The following CENPQ variants were observed in gnomAD, a reference collection of about 807,000 sequenced individuals.
The protein encoded by CENPQ is chromosome 6 open reading frame 139.
CENPQ carries 27 observed loss-of-function variants against 36.6 expected under a neutral mutation model. The ratio of observed to expected loss-of-function variants is 0.74; its 90% confidence interval spans 0.54 to 1.02. The LOEUF (loss-of-function observed/expected upper bound fraction) is 1.02, where lower values mean the gene tolerates loss of function less well. Ranked by LOEUF, CENPQ falls within the 50% of genes least tolerant of loss-of-function variation. The pLI is 0.00. For synonymous variants in CENPQ, 101 were observed against 101.7 expected (o/e 0.99, Z 0.04); for missense variants, 306 against 301.8 (o/e 1.01, Z -0.10).
At chr6:49,474,897 A>T (rs1299878831) in intron 5 of CENPQ, among the ~76,000 whole-genome samples, 1 of 152,220 alleles carries the variant, frequency 6.6e-6, no homozygotes, top group Non-Finnish European at 1.5e-5. Context: ...CAAATAAAAT[A>T]GAAAATCTAG....
At chr6:49,489,685 G>T (rs1218508592) in intron 8 of CENPQ, among the ~76,000 whole-genome samples, 1 of 152,196 alleles carries the variant, frequency 6.6e-6, no homozygotes, top group African/African-American at 2.4e-5. Context: ...TAAGTGATAA[G>T]ACTTGAAAAT....
At chr6:49,489,761 TCTC>T (rs1332249175) in intron 8 of CENPQ, among the ~76,000 whole-genome samples, 1 of 152,204 alleles carries the variant, frequency 6.6e-6, no homozygotes, top group Non-Finnish European at 1.5e-5. Flanking sequence ...ACAACATTAA[TCTC>T]CTTGTATATC....
At chr6:49,490,335 G>A (rs1023999847) in intron 8 of CENPQ, among the ~76,000 whole-genome samples, 1 of 152,124 alleles carries the variant, frequency 6.6e-6, no homozygotes, top group African/African-American at 2.4e-5. Flanking sequence ...ACTAACTTCT[G>A]CTAGCTTCAA....
At chr6:49,469,078 G>T (rs1265496837) in intron 1 of CENPQ, among the ~76,000 whole-genome samples, 1 of 152,184 alleles carries the variant, frequency 6.6e-6, no homozygotes, top group Non-Finnish European at 1.5e-5. Flanking sequence ...TTTGTAACTG[G>T]TGTGATATGT....
In CENPQ at chr6:49,470,174, A is replaced by G; in HGVS notation, c.-3A>G. Reference sequence around the variant, plus strand: ...TTTTTCGAAGCACTGTGTTTAGATCAAGATGTCTGGTAAAGCAAATGCTTC... The same window carrying G: ...TTTTTCGAAGCACTGTGTTTAGATCGAGATGTCTGGTAAAGCAAATGCTTC... On this transcript the variant is annotated 5_prime_UTR_variant, in exon 2 of 9. Transcript: ENST00000335783. 6.3e-7 allele frequency: 1 copy of G among 1,575,902 alleles called. No individual in the cohort carries two copies. Among genetic ancestry groups the G allele is most frequent in the Non-Finnish European group, 8.7e-7 (1 of 1,150,714 alleles).
chr6:49,474,289 C>T lies in CENPQ; in HGVS notation c.347+1431C>T, dbSNP rs543523946. Among the ~76,000 whole-genome samples the T allele has an allele frequency of 3.3e-5, 5 of 152,050 alleles. No homozygotes were observed. The South Asian group carries it at 6.2e-4, about 19-fold the overall frequency. On this transcript the variant is annotated intron_variant, in intron 5 of 8. Coordinates refer to ENST00000335783, the MANE Select transcript of CENPQ (RefSeq NM_018132.4). ...GAAGTGAAGCACTCCTCAGCAAATG[C>T]AAAAGAACAGAAATTATAACAAACT...
chr6:49,488,788 C>G (rs1223485712), intron 8 of CENPQ, 104 bp downstream of exon 8: 6 of 887,486 alleles, frequency 6.8e-6, no homozygotes, highest in Non-Finnish European at 1.1e-5. Flanking sequence ...ACGCAAGTCA[C>G]ACAAATGTTT....
chr6:49,477,570 A>AT (rs567454609), intron 5 of CENPQ, among the ~76,000 whole-genome samples: 12 of 152,212 alleles, frequency 7.9e-5, no homozygotes, highest in Non-Finnish European at 1.6e-4. Flanking sequence ...GTATAATAAA[A>AT]AAAAAAAAAA....
intron 5 of CENPQ, among the ~76,000 whole-genome samples, chr6:49,477,378 C>A (rs1276601182): frequency 7.1e-6 from 1 of 141,404 alleles, no homozygotes; most frequent in Non-Finnish European, 1.5e-5. Context: ...AATGAGAACA[C>A]CTGGGCACAG....
chr6:49,468,345 C>T (rs554765909), intron 1 of CENPQ, among the ~76,000 whole-genome samples: 1 of 151,850 alleles, frequency 6.6e-6, no homozygotes, highest in Non-Finnish European at 1.5e-5. Context: ...GTAATCTCAG[C>T]GCTTTGGGAG....
chr6:49,475,602 G>T (rs970871980), intron 5 of CENPQ, among the ~76,000 whole-genome samples: 3 of 152,138 alleles, frequency 2.0e-5, no homozygotes, highest in East Asian at 1.9e-4. Flanking sequence ...AGAAATAAAG[G>T]GTATTCAATT....
chr6:49,486,233 T>G (rs927641334), intron 6 of CENPQ, among the ~76,000 whole-genome samples: 36 of 152,226 alleles, frequency 2.4e-4, no homozygotes, highest in African/African-American at 8.7e-4. Context: ...CATTCTCCTC[T>G]CTTGTCTTCA....
At chr6:49,490,586 G>A (rs925502979) in intron 8 of CENPQ, among the ~76,000 whole-genome samples, 37 of 152,178 alleles carry the variant, frequency 2.4e-4, no homozygotes, top group African/African-American at 8.4e-4. Flanking sequence ...CACAACTTGG[G>A]CGTTTGGCAC....
intron 5 of CENPQ, among the ~76,000 whole-genome samples, chr6:49,474,566 GA>G (rs1278544711): frequency 6.6e-6 from 1 of 151,136 alleles, no homozygotes; most frequent in African/African-American, 2.4e-5. Context: ...GAGAAAGCAG[GA>G]AAAATTGACA....
intron 5 of CENPQ, among the ~76,000 whole-genome samples, chr6:49,477,189 G>A (rs1198955289): frequency 6.6e-6 from 1 of 152,130 alleles, no homozygotes; most frequent in Non-Finnish European, 1.5e-5. Flanking sequence ...ATCAATGATA[G>A]ACTGGATTAA....
chr6:49,481,337 T>C (rs1768423411), intron 6 of CENPQ, among the ~76,000 whole-genome samples: 1 of 152,196 alleles, frequency 6.6e-6, no homozygotes, highest in Non-Finnish European at 1.5e-5. Flanking sequence ...TTGGTCTCAC[T>C]GACTTCAAGA....
chr6:49,474,203 A>C (rs531482071), intron 5 of CENPQ, among the ~76,000 whole-genome samples: 1 of 152,350 alleles, frequency 6.6e-6, no homozygotes, highest in East Asian at 1.9e-4. Flanking sequence ...ACCCCAATCA[A>C]CAGAATATAT....
In CENPQ at chr6:49,470,185, T is replaced by A; in HGVS notation, c.9T>A (p.Gly3=). 1.3e-6 allele frequency: 2 copies of A among 1,598,414 alleles called. No homozygotes were observed. Among genetic ancestry groups the A allele is most frequent in the South Asian group, 2.2e-5 (2 of 90,000 alleles). Residue 3 remains glycine, a synonymous_variant, in exon 2 of 9, where the codon GGT becomes GGA. Coordinates refer to ENST00000335783, the MANE Select transcript of CENPQ (RefSeq NM_018132.4). MS[G]KANASKKNAQ... Reference sequence around the variant, plus strand: ...ACTGTGTTTAGATCAAGATGTCTGGTAAAGCAAATGCTTCCAAGAAAAACG... The same window carrying A: ...ACTGTGTTTAGATCAAGATGTCTGGAAAAGCAAATGCTTCCAAGAAAAACG...
chr6:49,464,301 T>TAAAAAATA (rs1767944421), intron 1 of CENPQ, among the ~76,000 whole-genome samples: 1 of 152,188 alleles, frequency 6.6e-6, no homozygotes, highest in Admixed American at 6.5e-5. Flanking sequence ...TTTTAAAATA[T>TAAAAAATA]TTTATTGCTA....
Sources: allele counts gnomAD v4.1 joint callset (sites outside exome capture counted in the v4.1 genomes callset), GRCh38; gene constraint gnomAD v4.1.1; transcripts MANE v1.5; gene names NCBI Gene and HGNC (gene_info 2026-07-23, HGNC 2026-07-21).